The following ZNF385D variants were observed in gnomAD, a reference collection of about 807,000 sequenced individuals.
ZNF385D encodes zinc finger protein 659.
In ZNF385D, 15 loss-of-function variants were observed where a neutral mutation model predicts 35.8. The observed-to-expected ratio is 0.42, with a 90% CI of 0.28 to 0.64. The LOEUF (loss-of-function observed/expected upper bound fraction) is 0.64. ZNF385D is among the 30% of genes least tolerant of loss of function. The probability of loss-of-function intolerance (pLI) is 0.23; values close to 1 mark genes in which losing one functional copy is unlikely to be tolerated. For synonymous variants in ZNF385D, 212 were observed against 186.8 expected (o/e 1.13, Z -1.10); for missense variants, 474 against 494.6 (o/e 0.96, Z 0.39).
chr3:21,918,519 T>C (rs1700303059), intron 3 of ZNF385D, among the ~76,000 whole-genome samples: 1 of 152,192 alleles, frequency 6.6e-6, no homozygotes. Flanking sequence ...ATATTTTCAT[T>C]ACTCAAATTG....
intron 2 of ZNF385D, among the ~76,000 whole-genome samples, chr3:22,352,487 G>A (rs1173711665): frequency 1.3e-5 from 2 of 152,168 alleles, no homozygotes; most frequent in African/African-American, 2.4e-5. Context: ...CCAGATGGGC[G>A]ATTTGTCTTA....
At chr3:21,915,821 G>A (rs935906390) in intron 3 of ZNF385D, among the ~76,000 whole-genome samples, 20 of 152,086 alleles carry the variant, frequency 1.3e-4, no homozygotes, top group Non-Finnish European at 2.5e-4. Flanking sequence ...GGCAAACTGA[G>A]GGCTAGTTGG....
At chr3:21,540,808 A>G (rs2062155489) in intron 3 of ZNF385D, among the ~76,000 whole-genome samples, 2 of 152,176 alleles carry the variant, frequency 1.3e-5, no homozygotes, top group African/African-American at 4.8e-5. Flanking sequence ...ACCACTGAAA[A>G]TCACATGTAC....
At chr3:22,140,998 G>A (rs557266773) in intron 3 of ZNF385D, among the ~76,000 whole-genome samples, 3 of 152,270 alleles carry the variant, frequency 2.0e-5, no homozygotes, top group East Asian at 1.9e-4. Flanking sequence ...AACACAAATT[G>A]TATATCAATA....
intron 4 of ZNF385D, among the ~76,000 whole-genome samples, chr3:21,459,656 C>T (rs372854736): frequency 3.9e-5 from 6 of 152,054 alleles, no homozygotes; most frequent in Admixed American, 2.0e-4. Flanking sequence ...TCCACCATGC[C>T]GAGGACATTT....
At chr3:22,050,890 C>T (rs1451655956) in intron 3 of ZNF385D, among the ~76,000 whole-genome samples, 1 of 94,920 alleles carries the variant, frequency 1.1e-5, no homozygotes, top group African/African-American at 3.8e-5. Flanking sequence ...TGTTCTTTTA[C>T]ATTTGCTGAG....
intron 4 of ZNF385D, among the ~76,000 whole-genome samples, chr3:21,476,391 T>A (rs1704251075): frequency 6.6e-6 from 1 of 152,064 alleles, no homozygotes; most frequent in African/African-American, 2.4e-5. Context: ...AATTGCCAAC[T>A]CTATTATTTA....
rs529306530 is a variant in ZNF385D at position 22,069,510 on chromosome 3, T to C, written c.325+99307A>G. ...GGTAACATAAACAATAATAATGGCA[T>C]GCTAACATTTTGGACTTGACTCTTT... On this transcript the variant is annotated intron_variant, in intron 3 of 5. Transcript: ENST00000494108. Among the ~76,000 whole-genome samples, 20 of 152,312 alleles carry C rather than the reference T, an allele frequency of 1.3e-4. 1 individual carries two copies. Among genetic ancestry groups the C allele is most frequent in the Admixed American group, 9.2e-4 (14 of 15,296 alleles).
intron 4 of ZNF385D, among the ~76,000 whole-genome samples, chr3:21,495,453 T>C (rs1705762207): frequency 6.6e-6 from 1 of 152,150 alleles, no homozygotes; most frequent in East Asian, 1.9e-4. Context: ...CCTGAATTAC[T>C]TTGGGTAAAT....
At chr3:22,328,870 T>C (rs1694799752) in intron 2 of ZNF385D, among the ~76,000 whole-genome samples, 1 of 151,628 alleles carries the variant, frequency 6.6e-6, no homozygotes, top group Non-Finnish European at 1.5e-5. Context: ...GGTCAGGAGA[T>C]CGAGACCATC....
chr3:21,941,260 C>T (rs1214282067), intron 3 of ZNF385D, among the ~76,000 whole-genome samples: 1 of 152,012 alleles, frequency 6.6e-6, no homozygotes, highest in Non-Finnish European at 1.5e-5. Flanking sequence ...GTTGATAATG[C>T]CATTTTTGGG....
At chr3:21,547,952 G>A (rs7653836) in intron 3 of ZNF385D, among the ~76,000 whole-genome samples, 3 of 152,106 alleles carry the variant, frequency 2.0e-5, no homozygotes, top group South Asian at 2.1e-4. Context: ...AGCCAGGTGG[G>A]AGGGGGTCCC....
At chr3:21,589,354 C>T (rs2063903261) in intron 2 of ZNF385D, among the ~76,000 whole-genome samples, 1 of 144,446 alleles carries the variant, frequency 6.9e-6, no homozygotes, top group African/African-American at 2.5e-5. Context: ...AAAGACAAAT[C>T]AATGAATGAG....
chr3:22,098,283 C>T lies in ZNF385D; in HGVS notation c.325+70534G>A, dbSNP rs528845267. ...CAGAGGAAGTGACCATTCAAGTTGA[C>T]TTTATTGCTCTGGGAAGAATCAGAC... On this transcript the variant is annotated intron_variant, in intron 3 of 5. Transcript: ENST00000494108. 3.9e-5 allele frequency among the ~76,000 whole-genome samples: 6 copies of T among 152,142 alleles called. No individual in the cohort carries two copies. The East Asian group carries it at 7.7e-4, about 20-fold the overall frequency.
chr3:21,990,474 T>C lies in ZNF385D; in HGVS notation c.325+178343A>G, dbSNP rs1035364168. Among the ~76,000 whole-genome samples the C allele has an allele frequency of 3.3e-5, 5 of 152,306 alleles. No homozygotes were observed. The South Asian group carries it at 6.2e-4, about 19-fold the overall frequency. On this transcript the variant is annotated intron_variant, in intron 3 of 5. Coordinates refer to the ZNF385D transcript ENST00000494108. ...AGGGTGATAAGGTTAGAAAAGATCA[T>C]TGTTTCCATTTCTGCTCATTTCTAT...
At chr3:22,112,865 T>C (rs1004209997) in intron 3 of ZNF385D, among the ~76,000 whole-genome samples, 1 of 152,134 alleles carries the variant, frequency 6.6e-6, no homozygotes, top group African/African-American at 2.4e-5. Flanking sequence ...AGAAGCAATT[T>C]TCTACCCAGT....
At chr3:21,816,753 T>C (rs1378602387) in intron 3 of ZNF385D, among the ~76,000 whole-genome samples, 1 of 152,100 alleles carries the variant, frequency 6.6e-6, no homozygotes, top group Non-Finnish European at 1.5e-5. Context: ...AAAATGGCCA[T>C]ACTGCCCAAG....
At chr3:21,896,818 TA>T (rs1160922739) in intron 3 of ZNF385D, among the ~76,000 whole-genome samples, 1 of 121,136 alleles carries the variant, frequency 8.3e-6, no homozygotes, top group Middle Eastern at 4.5e-3. Context: ...GTGTTCTTAA[TA>T]CTTTTTTTTT....
chr3:21,710,192 C>T lies in ZNF385D; in HGVS notation c.22+40703G>A, dbSNP rs562291386. The stretch of plus-strand genomic sequence containing the variant: ...AAGGAGTTTGGGGGAGAAAATGGAA[C>T]AGTTTCATATTTTGATTGATGTGGT... On this transcript the variant is annotated intron_variant, in intron 1 of 7. Coordinates refer to ENST00000281523, the MANE Select transcript of ZNF385D (RefSeq NM_024697.3). 3.1e-4 allele frequency among the ~76,000 whole-genome samples: 47 copies of T among 152,250 alleles called. No homozygotes were observed. In the East Asian group the frequency reaches 7.7e-3, roughly 25 times the overall value.
Sources: allele counts gnomAD v4.1 joint callset (sites outside exome capture counted in the v4.1 genomes callset), GRCh38; gene constraint gnomAD v4.1.1; transcripts MANE v1.5; gene names NCBI Gene and HGNC (gene_info 2026-07-23, HGNC 2026-07-21).